Variants in KCNN2 observed in about 807,000 individuals in gnomAD.
KCNN2 encodes small conductance calcium-activated potassium channel protein 2.
A neutral mutation model predicts 55.5 loss-of-function variants in KCNN2; 24 were observed. The ratio of observed to expected loss-of-function variants is 0.43; its 90% CI spans 0.31 to 0.61. KCNN2 has a LOEUF of 0.61. KCNN2 is among the 20% of genes least tolerant of loss of function. The probability of loss-of-function intolerance (pLI) is 0.08; values close to 1 mark genes in which losing one functional copy is unlikely to be tolerated. For missense variants in KCNN2, 754 were observed against 853.6 expected, an observed-to-expected ratio of 0.88 and a Z score of 1.45; for synonymous variants, 431 against 336.1, an observed-to-expected ratio of 1.28 and a Z score of -3.09.
intron 5 of KCNN2, among the ~76,000 whole-genome samples, chr5:114,486,250 G>A (rs1011251400): frequency 1.3e-5 from 2 of 152,188 alleles, no homozygotes; most frequent in African/African-American, 4.8e-5. Flanking sequence ...AAAAGCCCAA[G>A]TGAAAGCTGT....
intron 3 of KCNN2, among the ~76,000 whole-genome samples, chr5:114,439,622 G>A (rs1760136235): frequency 6.6e-6 from 1 of 152,082 alleles, no homozygotes. Flanking sequence ...TGATTCTAAT[G>A]CACCGCCAAG....
intron 2 of KCNN2, among the ~76,000 whole-genome samples, chr5:114,336,650 C>T (rs1008952684): frequency 3.9e-5 from 6 of 152,134 alleles, no homozygotes; most frequent in Admixed American, 2.6e-4. Context: ...AAATAAGGGA[C>T]AGCAGTGCAG....
intron 2 of KCNN2, among the ~76,000 whole-genome samples, chr5:114,319,896 T>C (rs1756579978): frequency 6.6e-6 from 1 of 152,192 alleles, no homozygotes; most frequent in Non-Finnish European, 1.5e-5. Context: ...AAACTCTCCA[T>C]TTTCTTCCTG....
At chr5:114,345,898 G>A (rs563769933) in intron 2 of KCNN2, among the ~76,000 whole-genome samples, 2 of 152,026 alleles carry the variant, frequency 1.3e-5, no homozygotes, top group Admixed American at 6.6e-5. Context: ...CTTCTGCCTC[G>A]GCATCCCGAG....
At chr5:114,323,649 A>ATTTTTTTTTTTTTTTTTTTTTCTT (rs6149185) in intron 2 of KCNN2, among the ~76,000 whole-genome samples, 2 of 85,318 alleles carry the variant, frequency 2.3e-5, no homozygotes, top group African/African-American at 4.0e-5. Context: ...AAACATATCA[A>ATTTTTTTTTTTTTTTTTTTTTCTT]TTTTTTTTTT....
At chr5:114,495,699 G>T (rs1748079615) in intron 7 of KCNN2, among the ~76,000 whole-genome samples, 196 bp from the exon 8 acceptor site, 1 of 152,222 alleles carries the variant, frequency 6.6e-6, no homozygotes, top group Admixed American at 6.5e-5. Context: ...CTGAACCAAA[G>T]ATCTTATATT....
intron 3 of KCNN2, among the ~76,000 whole-genome samples, chr5:114,462,217 G>C (rs4705505): frequency 9.9e-5 from 15 of 152,202 alleles, no homozygotes; most frequent in Non-Finnish European, 4.4e-5. Context: ...GAGGGTTACT[G>C]TTTCGTACTG....
chr5:114,082,814 T>G (rs1750853662), intron 1 of KCNN2, among the ~76,000 whole-genome samples: 1 of 152,136 alleles, frequency 6.6e-6, no homozygotes, highest in Admixed American at 6.6e-5. Flanking sequence ...AATCACAAAG[T>G]TGAATCCTAT....
intron 2 of KCNN2, among the ~76,000 whole-genome samples, chr5:114,312,416 CACACACACACACACACACATATATAT>C (rs1162974778): frequency 1.3e-4 from 10 of 77,212 alleles, no homozygotes; most frequent in East Asian, 8.6e-4. Flanking sequence ...CACACACACA[CACACACACACACACACACATATATAT>C]ATATATATAT....
chr5:114,182,324 A>G lies in KCNN2; in HGVS notation c.-270-39156A>G, dbSNP rs575339435. On this transcript the variant is annotated intron_variant, in intron 1 of 10. Coordinates refer to the KCNN2 transcript ENST00000512097. The stretch of plus-strand genomic sequence containing the variant: ...AGTAAGCCTGAAAATTAGGTAGTGT[A>G]AGTCCTTGAACCTTATCTTTTAAAA... 2.0e-5 allele frequency among the ~76,000 whole-genome samples: 3 copies of G among 152,132 alleles called. No individual in the cohort carries two copies. In the South Asian group the frequency reaches 6.2e-4, roughly 32 times the overall value.
chr5:114,293,859 A>T (rs1182765152), intron 2 of KCNN2, among the ~76,000 whole-genome samples: 1 of 152,120 alleles, frequency 6.6e-6, no homozygotes, highest in Non-Finnish European at 1.5e-5. Flanking sequence ...GATTATTGCC[A>T]CAATTTCAGA....
intron 2 of KCNN2, among the ~76,000 whole-genome samples, chr5:114,316,765 C>T (rs188530233): frequency 3.0e-4 from 45 of 152,248 alleles, no homozygotes; most frequent in African/African-American, 4.1e-4. Flanking sequence ...ATTTAAAACA[C>T]GCTCTAATGC....
upstream of KCNN2, among the ~76,000 whole-genome samples, chr5:114,359,340 A>G (rs1757361188): frequency 6.6e-6 from 1 of 152,176 alleles, no homozygotes; most frequent in Admixed American, 6.5e-5. Flanking sequence ...ACTCCATGCA[A>G]CATTGCCATA....
intron 2 of KCNN2, among the ~76,000 whole-genome samples, chr5:114,270,211 C>T (rs935436241): frequency 6.3e-4 from 96 of 152,206 alleles, no homozygotes; most frequent in African/African-American, 1.9e-3. Flanking sequence ...AATTGTGAGG[C>T]GCTTTTACTC....
chr5:114,331,909 A>T (rs901393901), intron 2 of KCNN2, among the ~76,000 whole-genome samples: 7 of 152,216 alleles, frequency 4.6e-5, no homozygotes, highest in Non-Finnish European at 8.8e-5. Flanking sequence ...TTGTGCAACC[A>T]GCTGGGGCTG....
chr5:114,261,831 G>A (rs2150004552), intron 2 of KCNN2, among the ~76,000 whole-genome samples: 1 of 152,298 alleles, frequency 6.6e-6, no homozygotes, highest in South Asian at 2.1e-4. Flanking sequence ...TCAGCTTTCA[G>A]TGAGGACCCA....
At chr5:114,136,096 A>G (rs1444584392) in intron 1 of KCNN2, among the ~76,000 whole-genome samples, 2 of 152,192 alleles carry the variant, frequency 1.3e-5, no homozygotes, top group Non-Finnish European at 2.9e-5. Flanking sequence ...ATAGATGAAA[A>G]TAGACTCAAA....
intron 1 of KCNN2, among the ~76,000 whole-genome samples, chr5:114,065,832 A>G (rs1365923389): frequency 1.9e-5 from 2 of 105,758 alleles, no homozygotes; most frequent in African/African-American, 7.3e-5. Context: ...GCTTTTAGCT[A>G]TTCTCCTATG....
chr5:114,268,638 G>T (rs1433570300), intron 2 of KCNN2, among the ~76,000 whole-genome samples: 4 of 152,168 alleles, frequency 2.6e-5, no homozygotes, highest in African/African-American at 9.6e-5. Context: ...AGACTTAGAA[G>T]GCAAGAACCA....
Sources: gnomAD v4.1 joint callset for allele counts (sites outside exome capture counted in the v4.1 genomes callset) on GRCh38, gnomAD v4.1.1 for gene constraint, MANE v1.5 for transcripts, NCBI Gene and HGNC (gene_info 2026-07-23, HGNC 2026-07-21) for gene names.